PAQR8: variants seen among roughly 807,000 people sequenced by gnomAD.
PAQR8 encodes progestin and adipoQ receptor family member 8.
Under a neutral mutation model 25.2 loss-of-function variants are expected in PAQR8, and 17 were observed. The observed-to-expected ratio is 0.67, with a 90% CI of 0.46 to 1.01. PAQR8 has a LOEUF of 1.01. Among genes scored for constraint, PAQR8 ranks in the 50% least tolerant of loss-of-function variants. PAQR8 has a pLI of 0.00. For missense variants in PAQR8, 392 were observed against 448.4 expected (o/e 0.87, Z 1.14); for synonymous variants, 204 against 190.6 (o/e 1.07, Z -0.58).
intron 1 of PAQR8, among the ~76,000 whole-genome samples, chr6:52,363,513 A>G (rs1310868254): frequency 6.6e-6 from 1 of 152,208 alleles, no homozygotes; most frequent in African/African-American, 2.4e-5. Context: ...CCACGTGTGT[A>G]CTACTTGTTC....
chr6:52,397,279 T>C (rs1763777624), intron 1 of PAQR8, among the ~76,000 whole-genome samples: 1 of 152,174 alleles, frequency 6.6e-6, no homozygotes, highest in Non-Finnish European at 1.5e-5. Flanking sequence ...GTAGCCCCTC[T>C]GCTCACAGAC....
At chr6:52,396,203 G>C (rs143086940) in intron 1 of PAQR8, among the ~76,000 whole-genome samples, 3 of 152,336 alleles carry the variant, frequency 2.0e-5, no homozygotes, top group Admixed American at 6.5e-5. Flanking sequence ...GGCAAGGCCA[G>C]AGTCTAATGA....
intron 1 of PAQR8, among the ~76,000 whole-genome samples, chr6:52,399,429 C>G (rs1763806209): frequency 6.6e-6 from 1 of 152,150 alleles, no homozygotes; most frequent in South Asian, 2.1e-4. Context: ...ACTACTAAAA[C>G]CCAAAGTTTT....
intron 1 of PAQR8, among the ~76,000 whole-genome samples, chr6:52,390,139 T>G (rs1220475706): frequency 6.6e-6 from 1 of 152,214 alleles, no homozygotes. Context: ...CCCAGTAAAT[T>G]GTTCCCAGCT....
intron 1 of PAQR8, among the ~76,000 whole-genome samples, chr6:52,400,583 C>A (rs1250061434): frequency 6.6e-6 from 1 of 152,232 alleles, no homozygotes; most frequent in Non-Finnish European, 1.5e-5. Flanking sequence ...AAGCCCATAT[C>A]TTGGCAGAAG....
At chr6:52,369,275 T>G (rs1763390166) in intron 1 of PAQR8, among the ~76,000 whole-genome samples, 1 of 152,200 alleles carries the variant, frequency 6.6e-6, no homozygotes, top group South Asian at 2.1e-4. Context: ...AACCCTCAGT[T>G]CCTAGGGCTG....
chr6:52,377,604 G>A (rs1452056478), intron 1 of PAQR8, among the ~76,000 whole-genome samples: 2 of 152,052 alleles, frequency 1.3e-5, no homozygotes, highest in South Asian at 2.1e-4. Flanking sequence ...ATGCTATTAG[G>A]ACTTTTGTTT....
At chr6:52,365,357 A>G (rs754684466) in intron 1 of PAQR8, among the ~76,000 whole-genome samples, 3 of 152,038 alleles carry the variant, frequency 2.0e-5, no homozygotes, top group Non-Finnish European at 4.4e-5. Context: ...AAAGCTTCAT[A>G]CAGCCACAGC....
At chr6:52,363,946 G>T (rs535124014) in intron 1 of PAQR8, among the ~76,000 whole-genome samples, 2 of 152,176 alleles carry the variant, frequency 1.3e-5, no homozygotes, top group Admixed American at 1.3e-4. Context: ...TTAGTTAAAT[G>T]TTGACTATCT....
intron 1 of PAQR8, among the ~76,000 whole-genome samples, chr6:52,369,173 G>A (rs972691887): frequency 1.3e-5 from 2 of 152,100 alleles, no homozygotes; most frequent in Non-Finnish European, 2.9e-5. Context: ...GAGGTAATAG[G>A]TGACTTCAAA....
intron 1 of PAQR8, among the ~76,000 whole-genome samples, chr6:52,397,831 G>C (rs1018283495): frequency 2.0e-4 from 31 of 152,008 alleles, no homozygotes; most frequent in African/African-American, 7.2e-4. Flanking sequence ...TGAGGGAGGG[G>C]CTCTCTTACT....
chr6:52,401,096 A>T (rs1178416893), intron 1 of PAQR8, among the ~76,000 whole-genome samples: 1 of 152,254 alleles, frequency 6.6e-6, no homozygotes, highest in Non-Finnish European at 1.5e-5. Flanking sequence ...AGTAAGTGGC[A>T]AAACTGGAGC....
intron 1 of PAQR8, among the ~76,000 whole-genome samples, chr6:52,379,633 T>C (rs1288135069): frequency 2.1e-5 from 3 of 140,878 alleles, no homozygotes; most frequent in Non-Finnish European, 3.1e-5. Context: ...TTTTTTTTTT[T>C]TTTTTTTTTT....
At chr6:52,367,407 A>C (rs1763366366) in intron 1 of PAQR8, among the ~76,000 whole-genome samples, 1 of 152,166 alleles carries the variant, frequency 6.6e-6, no homozygotes. Context: ...ATCTGAAGAG[A>C]TGTGAGTTAG....
At chr6:52,395,574 T>C (rs191035286) in intron 1 of PAQR8, among the ~76,000 whole-genome samples, 1 of 152,338 alleles carries the variant, frequency 6.6e-6, no homozygotes, top group East Asian at 1.9e-4. Context: ...AGTATTATGA[T>C]GATTCCCAGG....
intron 1 of PAQR8, among the ~76,000 whole-genome samples, chr6:52,393,610 T>G (rs1353687140): frequency 6.6e-6 from 1 of 152,118 alleles, no homozygotes; most frequent in Non-Finnish European, 1.5e-5. Flanking sequence ...GGATTACAGG[T>G]GTGAGCCACT....
At chr6:52,381,890 T>G (rs552863367) in intron 1 of PAQR8, among the ~76,000 whole-genome samples, 1 of 152,270 alleles carries the variant, frequency 6.6e-6, no homozygotes, top group East Asian at 1.9e-4. Flanking sequence ...GAGAGCCCCA[T>G]GAAAATACAT....
chr6:52,383,227 C>CTCTT (rs1763584561), intron 1 of PAQR8, among the ~76,000 whole-genome samples: 1 of 152,250 alleles, frequency 6.6e-6, no homozygotes. Context: ...ATTCTCTACA[C>CTCTT]TCTTCTACAT....
chr6:52,382,075 G>A (rs187703786), intron 1 of PAQR8, among the ~76,000 whole-genome samples: 8 of 152,300 alleles, frequency 5.3e-5, no homozygotes, highest in African/African-American at 9.6e-5. Context: ...AAGCAGGGAG[G>A]TACCATACAA....
Sources: gnomAD v4.1 joint callset for allele counts (sites outside exome capture counted in the v4.1 genomes callset) on GRCh38, gnomAD v4.1.1 for gene constraint, MANE v1.5 for transcripts, NCBI Gene and HGNC (gene_info 2026-07-23, HGNC 2026-07-21) for gene names.